Variants in ANXA8 observed in about 807,000 individuals in gnomAD.
ANXA8 encodes annexin A8.
Under a neutral mutation model 26.8 loss-of-function variants are expected in ANXA8, and 9 were observed. The ratio of observed to expected loss-of-function variants is 0.34; its 90% CI spans 0.20 to 0.59. The LOEUF (loss-of-function observed/expected upper bound fraction) is 0.59. ANXA8 is among the 20% of genes least tolerant of loss of function. The pLI, the probability that ANXA8 is intolerant of heterozygous loss-of-function variation, is 0.84. For synonymous variants in ANXA8, 39 were observed against 94.8 expected (o/e 0.41, Z 3.42); for missense variants, 83 against 238.5 (o/e 0.35, Z 4.29).
the ANXA8 span, among the ~76,000 whole-genome samples, chr10:47,980,551 T>C: frequency 2.6e-5 from 4 of 151,654 alleles, no homozygotes; most frequent in Admixed American, 1.3e-4. Context: ...ATGTGCCCTA[T>C]TTCATTCCCT....
chr10:47,748,444 C>T, the ANXA8 span, among the ~76,000 whole-genome samples: 1 of 151,938 alleles, frequency 6.6e-6, no homozygotes, highest in Non-Finnish European at 1.5e-5. Context: ...AACTTCTGAC[C>T]TCAGGTGATC....
At chr10:47,498,760 C>T in the ANXA8 span, among the ~76,000 whole-genome samples, 3 of 138,510 alleles carry the variant, frequency 2.2e-5, no homozygotes, top group Admixed American at 1.5e-4. Flanking sequence ...CCCACCCCCC[C>T]GACCCAGGGC....
intron 11 of ANXA8, among the ~76,000 whole-genome samples, chr10:47,470,450 TCTCCCGA>T (rs1206709102): frequency 7.7e-6 from 1 of 129,766 alleles, no homozygotes; most frequent in African/African-American, 3.1e-5. Flanking sequence ...TGCCCTCCTG[TCTCCCGA>T]CAAGATTGGC....
chr10:47,667,602 T>A, the ANXA8 span, among the ~76,000 whole-genome samples: 2 of 151,950 alleles, frequency 1.3e-5, no homozygotes, highest in Non-Finnish European at 2.9e-5. Flanking sequence ...CAGGCTGGAG[T>A]GCAGTGGCAT....
chr10:47,595,134 A>G, the ANXA8 span, among the ~76,000 whole-genome samples: 1 of 148,396 alleles, frequency 6.7e-6, no homozygotes, highest in Non-Finnish European at 1.5e-5. Flanking sequence ...AAGGAATGAC[A>G]TTCCAGCATA....
At chr10:47,682,084 C>G in the ANXA8 span, among the ~76,000 whole-genome samples, 3 of 150,382 alleles carry the variant, frequency 2.0e-5, no homozygotes, top group Non-Finnish European at 4.4e-5. Flanking sequence ...GGTTCTCTGT[C>G]TTACCTCATT....
the ANXA8 span, among the ~76,000 whole-genome samples, chr10:47,736,468 T>A: frequency 3.7e-5 from 3 of 81,274 alleles, no homozygotes; most frequent in Admixed American, 1.6e-4. Flanking sequence ...CAGGATTCCA[T>A]CATTTGTGTG....
At chr10:47,705,883 T>C in the ANXA8 span, among the ~76,000 whole-genome samples, 2 of 150,820 alleles carry the variant, frequency 1.3e-5, no homozygotes, top group Non-Finnish European at 1.5e-5. Flanking sequence ...GTCCCCTTTT[T>C]TTGCCTTTAA....
the ANXA8 span, among the ~76,000 whole-genome samples, chr10:47,561,834 C>T: frequency 2.7e-5 from 4 of 150,770 alleles, no homozygotes; most frequent in East Asian, 1.9e-4. Context: ...TAATAATAAA[C>T]GATATGAAGA....
At chr10:47,481,698 G>A (rs1220950357) in intron 1 of ANXA8, among the ~76,000 whole-genome samples, 2 of 149,622 alleles carry the variant, frequency 1.3e-5, no homozygotes, top group Non-Finnish European at 3.0e-5. Context: ...TGATTTTGCT[G>A]CATTGAGAAG....
At chr10:47,609,181 A>G in the ANXA8 span, among the ~76,000 whole-genome samples, 1 of 145,452 alleles carries the variant, frequency 6.9e-6, no homozygotes, top group African/African-American at 2.8e-5. Flanking sequence ...AGAATGCAAA[A>G]CCAAAAAAGT....
At chr10:47,593,561 G>A in the ANXA8 span, among the ~76,000 whole-genome samples, 1 of 149,610 alleles carries the variant, frequency 6.7e-6, no homozygotes, top group African/African-American at 2.6e-5. Context: ...TGAAGTTTGA[G>A]TTATACCATC....
At chr10:47,600,732 CA>C in the ANXA8 span, among the ~76,000 whole-genome samples, 7 of 132,526 alleles carry the variant, frequency 5.3e-5, no homozygotes, top group Non-Finnish European at 1.1e-4. Flanking sequence ...ATTTTTTTTT[CA>C]CTCAGAGAAA....
At chr10:47,469,362 T>C (rs1839238323) in intron 11 of ANXA8, among the ~76,000 whole-genome samples, 1 of 151,936 alleles carries the variant, frequency 6.6e-6, no homozygotes, top group Admixed American at 6.6e-5. Flanking sequence ...CATCGCACCC[T>C]GACGGTGTGG....
the ANXA8 span, among the ~76,000 whole-genome samples, chr10:47,520,804 C>G: frequency 1.1e-5 from 1 of 88,728 alleles, no homozygotes; most frequent in Non-Finnish European, 2.0e-5. Context: ...AAGTTGAGGC[C>G]AGCATGAGTA....
At chr10:47,565,200 C>A in the ANXA8 span, 1 of 650,554 alleles carries the variant, frequency 1.5e-6, no homozygotes, top group Non-Finnish European at 2.8e-6. Context: ...GGCACCCCCT[C>A]AGGAATGCAG....
At chr10:47,498,278 T>C in the ANXA8 span, among the ~76,000 whole-genome samples, 7 of 148,724 alleles carry the variant, frequency 4.7e-5, no homozygotes, top group Non-Finnish European at 1.0e-4. Context: ...CTGGCTTATT[T>C]CACTTAGCGT....
At chr10:47,976,659 A>G in the ANXA8 span, among the ~76,000 whole-genome samples, 18 of 148,808 alleles carry the variant, frequency 1.2e-4, no homozygotes, top group Admixed American at 1.2e-3. Flanking sequence ...GAGCTCTCCA[A>G]AAATCCCATC....
chr10:47,687,985 A>G, the ANXA8 span, among the ~76,000 whole-genome samples: 2 of 151,806 alleles, frequency 1.3e-5, no homozygotes, highest in African/African-American at 4.8e-5. Flanking sequence ...CTGTAATCTC[A>G]GCTACTCGGT....
Sources: allele counts gnomAD v4.1 joint callset (sites outside exome capture counted in the v4.1 genomes callset), GRCh38; gene constraint gnomAD v4.1.1; transcripts MANE v1.5; gene names NCBI Gene and HGNC (gene_info 2026-07-23, HGNC 2026-07-21).